Variants in CSMD1 observed in about 807,000 individuals in gnomAD.
CSMD1 encodes CUB and sushi domain-containing protein 1.
Under a neutral mutation model 417.5 loss-of-function variants are expected in CSMD1, and 213 were observed. The ratio of observed to expected loss-of-function variants is 0.51; its 90% CI spans 0.46 to 0.57. The LOEUF (loss-of-function observed/expected upper bound fraction) is 0.57. Ranked by LOEUF, CSMD1 falls within the 20% of genes least tolerant of loss-of-function variation. CSMD1 has a pLI of 0.00. For missense variants in CSMD1, 6,923 were observed against 4,529.7 expected (o/e 1.53, Z -15.17); for synonymous variants, 2,862 against 1,736.8 (o/e 1.65, Z -16.11).
chr8:3,649,411 T>C (rs920691715), intron 7 of CSMD1, among the ~76,000 whole-genome samples: 1 of 152,210 alleles, frequency 6.6e-6, no homozygotes, highest in South Asian at 2.1e-4. Flanking sequence ...CACACTGCTA[T>C]AAATAACTGC....
intron 3 of CSMD1, among the ~76,000 whole-genome samples, chr8:4,306,315 C>A (rs1007367098): frequency 1.3e-5 from 2 of 152,156 alleles, no homozygotes; most frequent in African/African-American, 2.4e-5. Context: ...CAGCCCAGCT[C>A]GATCCTTCCA....
chr8:4,216,253 C>T lies in CSMD1; in HGVS notation c.416-184154G>A, dbSNP rs77050023. On this transcript the variant is annotated intron_variant, in intron 3 of 69. Coordinates refer to ENST00000635120, the MANE Select transcript of CSMD1 (RefSeq NM_033225.6). ...CATGCCCTTTTTTTCTGCCTGGAAT[C>T]CTTTCACTCTACGAGACCTGACCTT... Among the ~76,000 whole-genome samples the T allele has an allele frequency of 3.4e-4, 52 of 152,180 alleles. 1 individual carries two copies. Among genetic ancestry groups the T allele is most frequent in the African/African-American group, 1.2e-3 (48 of 41,528 alleles).
At chr8:3,771,739 G>C (rs1798584981) in intron 5 of CSMD1, among the ~76,000 whole-genome samples, 1 of 152,160 alleles carries the variant, frequency 6.6e-6, no homozygotes, top group Non-Finnish European at 1.5e-5. Context: ...CAATGACATT[G>C]ACTGTGTGTG....
chr8:3,111,004 C>T (rs1482917716), intron 42 of CSMD1, among the ~76,000 whole-genome samples: 1 of 152,096 alleles, frequency 6.6e-6, no homozygotes, highest in Non-Finnish European at 1.5e-5. Context: ...CATGTCCAAA[C>T]ACTAATGGAA....
At chr8:3,980,460 A>AT (rs879620273) in intron 5 of CSMD1, among the ~76,000 whole-genome samples, 18 of 151,610 alleles carry the variant, frequency 1.2e-4, no homozygotes, top group South Asian at 6.3e-4. Context: ...GTTTGTGAAG[A>AT]TTTTTTTTTG....
intron 12 of CSMD1, among the ~76,000 whole-genome samples, chr8:3,442,369 G>A (rs934621681): frequency 1.3e-5 from 2 of 152,080 alleles, no homozygotes; most frequent in African/African-American, 4.8e-5. Flanking sequence ...CTCACTCACT[G>A]ACTCACCCAG....
chr8:3,179,174 T>C (rs185246695), intron 37 of CSMD1, among the ~76,000 whole-genome samples: 1,801 of 150,372 alleles, frequency 0.012, 47 homozygotes, highest in African/African-American at 0.043. Flanking sequence ...CTCGATCTCC[T>C]GACCTCGTGA....
In CSMD1 at chr8:3,165,063, T is replaced by G. The variant is rs552790065; in HGVS notation, c.5726-2786A>C. Among the ~76,000 whole-genome samples the G allele has an allele frequency of 9.9e-5, 15 of 152,112 alleles. 1 individual carries two copies. In the Middle Eastern group the frequency reaches 0.01, roughly 103 times the overall value. On this transcript the variant is annotated intron_variant, in intron 37 of 69. Coordinates refer to ENST00000635120, the MANE Select transcript of CSMD1 (RefSeq NM_033225.6). ...ATAAAAACACACAAAAATACCATTTTGACCGGTGTTTAACATGGCCAGACT... is the reference window on the plus strand; with the variant it reads ...ATAAAAACACACAAAAATACCATTTGGACCGGTGTTTAACATGGCCAGACT...
chr8:3,203,610 G>A (rs1233272366), intron 31 of CSMD1, among the ~76,000 whole-genome samples: 2 of 152,104 alleles, frequency 1.3e-5, no homozygotes, highest in Admixed American at 1.3e-4. Flanking sequence ...CTAACACTCC[G>A]TGGATAAAAA....
At position 2,962,542 on chromosome 8, in the gene CSMD1, T is replaced by C. The variant is rs766579385; in HGVS notation, c.9552A>G (p.Pro3184=). 9 of 1,613,794 alleles carry C rather than the reference T, an allele frequency of 5.6e-6. No homozygotes were observed. Among genetic ancestry groups the C allele is most frequent in the East Asian group, 2.2e-5 (1 of 44,864 alleles). ...KSEVFFQCKS[P]FILVGSSRRV... ...TTCTGGAGGATCCCACGAGTATAAA[T>C]GGAGATTTGCACTGGAAGAAGACTT... Residue 3184 remains proline (P), a synonymous_variant, in exon 61 of 70, where the codon CCA becomes CCG. Coordinates refer to ENST00000635120, the MANE Select transcript of CSMD1 (RefSeq NM_033225.6).
intron 3 of CSMD1, among the ~76,000 whole-genome samples, chr8:4,228,711 T>G (rs1801517755): frequency 6.6e-6 from 1 of 151,894 alleles, no homozygotes. Flanking sequence ...TGAGATGGAG[T>G]CTACCTCTGT....
chr8:3,864,908 T>A (rs1467043548), intron 5 of CSMD1, among the ~76,000 whole-genome samples: 1 of 152,206 alleles, frequency 6.6e-6, no homozygotes, highest in African/African-American at 2.4e-5. Flanking sequence ...AAACAAGAAG[T>A]ATTGCTCTAC....
chr8:3,151,445 G>A lies in CSMD1; in HGVS notation c.5983C>T (p.Pro1995Ser), dbSNP rs746789823. 3 of 1,613,784 alleles carry A rather than the reference G, an allele frequency of 1.9e-6. No homozygotes were observed. The highest frequency in any genetic ancestry group is 2.5e-6 in the Non-Finnish European group (3 of 1,179,850). Residue 1995 changes from proline to serine, a missense_variant, in exon 40 of 70, where the codon CCC becomes TCC. Transcript: ENST00000635120. ...CTCCAGGTGCAGTCTAAGTTGTTGG[G>A]GTAAGAACCTGGGAAGCCGGGGCTC... ...ILSPGFPGSYPNNLDCTWRIS... is the reference protein window; with the variant it reads ...ILSPGFPGSYSNNLDCTWRIS...
chr8:4,838,007 G>C (rs964173515), intron 1 of CSMD1, among the ~76,000 whole-genome samples: 2 of 152,166 alleles, frequency 1.3e-5, no homozygotes, highest in South Asian at 2.1e-4. Flanking sequence ...CATTCTCTCT[G>C]TTCTATGGGC....
chr8:3,635,775 G>A (rs1231937040), intron 7 of CSMD1, among the ~76,000 whole-genome samples: 10 of 119,934 alleles, frequency 8.3e-5, no homozygotes, highest in Non-Finnish European at 1.4e-4. Flanking sequence ...GAACCTCTGC[G>A]CCCAGCTGCT....
chr8:3,712,418 C>T (rs59020882), intron 6 of CSMD1, among the ~76,000 whole-genome samples: 17 of 134,300 alleles, frequency 1.3e-4, no homozygotes. Context: ...GACAGACAGA[C>T]AGACAGACAG....
chr8:3,422,557 A>T (rs1473100365), intron 12 of CSMD1, among the ~76,000 whole-genome samples: 1 of 152,214 alleles, frequency 6.6e-6, no homozygotes, highest in African/African-American at 2.4e-5. Context: ...AAGACAGAAG[A>T]CAAAACAGTA....
intron 26 of CSMD1, among the ~76,000 whole-genome samples, chr8:3,256,514 C>G (rs1800668163): frequency 6.6e-6 from 1 of 152,162 alleles, no homozygotes; most frequent in South Asian, 2.1e-4. Flanking sequence ...AAAGACATCT[C>G]CTTTAGGATT....
At chr8:4,398,290 A>G (rs1005525781) in intron 3 of CSMD1, among the ~76,000 whole-genome samples, 1 of 151,906 alleles carries the variant, frequency 6.6e-6, no homozygotes, top group Admixed American at 6.6e-5. Context: ...GGGGTGGACA[A>G]TCGTCTCTAC....
Sources: allele counts gnomAD v4.1 joint callset (sites outside exome capture counted in the v4.1 genomes callset), GRCh38; gene constraint gnomAD v4.1.1; transcripts MANE v1.5; gene names NCBI Gene and HGNC (gene_info 2026-07-23, HGNC 2026-07-21).